PRKCH: variants seen among roughly 807,000 people sequenced by gnomAD.
PRKCH encodes the protein protein kinase C eta.
A neutral mutation model predicts 82.5 loss-of-function variants in PRKCH; 28 were observed. The observed-to-expected ratio is 0.34, with a 90% confidence interval of 0.25 to 0.47. The LOEUF (loss-of-function observed/expected upper bound fraction) is 0.47. Ranked by LOEUF, PRKCH falls within the 20% of genes least tolerant of loss-of-function variation. The pLI is 1.00. For missense variants in PRKCH, 705 were observed against 881.8 expected (o/e 0.80, Z 2.54); for synonymous variants, 322 against 327.4 (o/e 0.98, Z 0.18).
intron 1 of PRKCH, chr14:61,279,983 G>T: frequency 1.0e-6 from 1 of 953,082 alleles, no homozygotes. Context: ...TTCACAAAGG[G>T]AGGAAAAGCT....
intron 2 of PRKCH, among the ~76,000 whole-genome samples, chr14:61,428,787 A>G (rs541783388): frequency 6.6e-6 from 1 of 152,352 alleles, no homozygotes; most frequent in African/African-American, 2.4e-5. Flanking sequence ...AATCACGGAA[A>G]GTATTCCCCA....
In PRKCH at chr14:61,301,862, AG is replaced by A. The variant is rs372113153; in HGVS notation, c.-19+114196del. 5.1e-4 allele frequency among the ~76,000 whole-genome samples: 77 copies of A among 152,346 alleles called. 1 individual carries two copies. The East Asian group carries it at 6.5e-3, about 13-fold the overall frequency. Reference sequence around the variant, plus strand: ...TCTGAAAAAGAAGTACATATCTTAAAGGCAAAATTTTATGGATTTACCAAAT... The same window carrying A: ...TCTGAAAAAGAAGTACATATCTTAAAGCAAAATTTTATGGATTTACCAAAT... On this transcript the variant is annotated intron_variant, in intron 1 of 3. Transcript: ENST00000555185.
At chr14:61,527,092 C>CG (rs2042975761) in intron 10 of PRKCH, among the ~76,000 whole-genome samples, 1 of 152,190 alleles carries the variant, frequency 6.6e-6, no homozygotes, top group Non-Finnish European at 1.5e-5. Context: ...TGCTGGGAAG[C>CG]GGGTTTTTTT....
intron 10 of PRKCH, among the ~76,000 whole-genome samples, chr14:61,512,062 T>A (rs1390078156): frequency 2.0e-5 from 3 of 152,122 alleles, no homozygotes; most frequent in Non-Finnish European, 4.4e-5. Context: ...GTTTCTTAAT[T>A]TGAGGAATAG....
intron 1 of PRKCH, among the ~76,000 whole-genome samples, chr14:61,349,764 G>C (rs2046046273): frequency 6.6e-6 from 1 of 152,162 alleles, no homozygotes; most frequent in South Asian, 2.1e-4. Context: ...AGGAGGCTGA[G>C]GCAGGATAAT....
rs561756369 is a variant in PRKCH, at chr14:61,206,935, C to T, written c.-19+19267C>T. ...TAGCCTGACCAACATGAAGAAACCCCGTCTCTACTAAAAATACAAAATTAG... is the reference window on the plus strand; with the variant it reads ...TAGCCTGACCAACATGAAGAAACCCTGTCTCTACTAAAAATACAAAATTAG... On this transcript the variant is annotated intron_variant, in intron 1 of 3. Coordinates refer to the PRKCH transcript ENST00000555185. Among the ~76,000 whole-genome samples the T allele has an allele frequency of 3.3e-5, 5 of 151,606 alleles. 1 individual carries two copies. The East Asian group carries it at 5.8e-4, about 18-fold the overall frequency.
At chr14:61,253,769 TTCC>T (rs1246862966) in intron 1 of PRKCH, among the ~76,000 whole-genome samples, 1 of 152,188 alleles carries the variant, frequency 6.6e-6, no homozygotes, top group Middle Eastern at 3.2e-3. Flanking sequence ...AAGCCTCGGT[TTCC>T]TCCTCTGCAA....
At chr14:61,494,428 C>A (rs1026326104) in intron 10 of PRKCH, among the ~76,000 whole-genome samples, 1 of 152,190 alleles carries the variant, frequency 6.6e-6, no homozygotes, top group Non-Finnish European at 1.5e-5. Flanking sequence ...GTGTGTGACG[C>A]TACATATATT....
intron 1 of PRKCH, among the ~76,000 whole-genome samples, chr14:61,387,142 T>C (rs1019198308): frequency 6.6e-6 from 1 of 152,242 alleles, no homozygotes; most frequent in Non-Finnish European, 1.5e-5. Flanking sequence ...TGTCCCTTCC[T>C]TGTAGATCCA....
chr14:61,510,087 G>T (rs942865984), intron 10 of PRKCH, among the ~76,000 whole-genome samples: 5 of 152,118 alleles, frequency 3.3e-5, no homozygotes, highest in African/African-American at 1.2e-4. Flanking sequence ...GCAGAAAAGC[G>T]TCCTGTGCTA....
intron 1 of PRKCH, among the ~76,000 whole-genome samples, chr14:61,327,884 A>G (rs1054932813): frequency 1.3e-5 from 2 of 152,254 alleles, no homozygotes; most frequent in African/African-American, 4.8e-5. Flanking sequence ...AGAAATGAAA[A>G]TAGTTGAGGA....
chr14:61,502,088 A>G, intron 10 of PRKCH, among the ~76,000 whole-genome samples: 1 of 121,168 alleles, frequency 8.3e-6, no homozygotes, highest in Non-Finnish European at 1.6e-5. Flanking sequence ...TTTTTCCGAG[A>G]TGGAGTCTCA....
At chr14:61,474,055 TGAA>T (rs1885623132) in intron 9 of PRKCH, among the ~76,000 whole-genome samples, 1 of 151,646 alleles carries the variant, frequency 6.6e-6, no homozygotes, top group Non-Finnish European at 1.5e-5. Flanking sequence ...AGAGGAGACT[TGAA>T]GAAGGAATTC....
chr14:61,277,560 G>A (rs1357559352), intron 1 of PRKCH: 1 of 152,116 alleles, frequency 6.6e-6, no homozygotes, highest in Non-Finnish European at 1.5e-5. Flanking sequence ...TACAGCACAG[G>A]GATCATTGCA....
chr14:61,324,665 A>T (rs2045672084), intron 1 of PRKCH, among the ~76,000 whole-genome samples: 1 of 152,142 alleles, frequency 6.6e-6, no homozygotes, highest in African/African-American at 2.4e-5. Flanking sequence ...TACCTTGTTG[A>T]CCAGGCTGGT....
At chr14:61,395,226 G>A (rs2140208465) in intron 2 of PRKCH, among the ~76,000 whole-genome samples, 1 of 149,482 alleles carries the variant, frequency 6.7e-6, no homozygotes, top group Admixed American at 6.8e-5. Flanking sequence ...TTAAAACACC[G>A]CTCCCTTGTC....
At chr14:61,261,191 G>T (rs755073621) in intron 1 of PRKCH, among the ~76,000 whole-genome samples, 1 of 152,012 alleles carries the variant, frequency 6.6e-6, no homozygotes, top group African/African-American at 2.4e-5. Context: ...CGTCACCAAC[G>T]CACACACGCA....
At chr14:61,496,614 C>T (rs1886678752) in intron 10 of PRKCH, among the ~76,000 whole-genome samples, 1 of 152,034 alleles carries the variant, frequency 6.6e-6, no homozygotes, top group Non-Finnish European at 1.5e-5. Flanking sequence ...TCCCGTGAAA[C>T]CCTTCCCTTA....
chr14:61,492,623 A>T (rs772922131), intron 10 of PRKCH, among the ~76,000 whole-genome samples: 1 of 152,270 alleles, frequency 6.6e-6, no homozygotes, highest in Non-Finnish European at 1.5e-5. Flanking sequence ...ACTCCATTGC[A>T]GTGAGAAAAA....
Sources: allele counts gnomAD v4.1 joint callset (sites outside exome capture counted in the v4.1 genomes callset), GRCh38; gene constraint gnomAD v4.1.1; transcripts MANE v1.5; gene names NCBI Gene and HGNC (gene_info 2026-07-23, HGNC 2026-07-21).